Variants in GAS7 observed in about 807,000 individuals in gnomAD.
The protein encoded by GAS7 is growth arrest specific 7.
GAS7 carries 28 observed loss-of-function variants against 71.1 expected under a neutral mutation model. The observed-to-expected ratio is 0.39, with a 90% CI of 0.29 to 0.54. The LOEUF (loss-of-function observed/expected upper bound fraction) is 0.54, where lower values mean the gene tolerates loss of function less well. GAS7 is among the 20% of genes least tolerant of loss of function. The pLI is 0.62. For missense variants in GAS7, 436 were observed against 627.8 expected, an observed-to-expected ratio of 0.69 and a Z score of 3.27; for synonymous variants, 258 against 245.8, an observed-to-expected ratio of 1.05 and a Z score of -0.46.
intron 1 of GAS7, among the ~76,000 whole-genome samples, chr17:10,106,740 T>A (rs572257950): frequency 4.6e-5 from 7 of 151,280 alleles, no homozygotes; most frequent in African/African-American, 1.7e-4. Context: ...CTGCTCTTCT[T>A]CAATTATTAA....
intron 1 of GAS7, among the ~76,000 whole-genome samples, chr17:10,054,715 T>C (rs527694225): frequency 1.3e-5 from 2 of 152,302 alleles, no homozygotes; most frequent in East Asian, 3.9e-4. Flanking sequence ...GTCTGCTCCA[T>C]ACCACACATC....
At chr17:10,038,332 G>A (rs1236925432) in intron 1 of GAS7, among the ~76,000 whole-genome samples, 3 of 152,116 alleles carry the variant, frequency 2.0e-5, no homozygotes, top group Admixed American at 6.5e-5. Context: ...CCTGGGCAAC[G>A]GAGCAAGGCT....
chr17:10,093,438 C>T (rs915776184), intron 1 of GAS7, among the ~76,000 whole-genome samples: 1 of 151,474 alleles, frequency 6.6e-6, no homozygotes, highest in Non-Finnish European at 1.5e-5. Flanking sequence ...GGCATGGTGG[C>T]ACACGCCTGA....
chr17:9,936,784 T>C (rs1041475171), intron 8 of GAS7, among the ~76,000 whole-genome samples: 1 of 152,250 alleles, frequency 6.6e-6, no homozygotes, highest in Non-Finnish European at 1.5e-5. Context: ...AAATGCATGT[T>C]GTTTTCATGA....
chr17:9,938,834 G>C (rs1162460268), intron 8 of GAS7, among the ~76,000 whole-genome samples: 1 of 152,180 alleles, frequency 6.6e-6, no homozygotes, highest in African/African-American at 2.4e-5. Context: ...CCATGGGTTT[G>C]CCTGTTCTGG....
In GAS7 at chr17:9,926,777, G is replaced by A. The variant is rs1234255773; in HGVS notation, c.886-8C>T. 3.7e-6 allele frequency: 6 copies of A among 1,613,960 alleles called. No homozygotes were observed. The highest frequency in any genetic ancestry group is 5.1e-6 in the Non-Finnish European group (6 of 1,179,958). ...CTCCACCTCGCTGTGAAGCTGTTGGGAGAGTAGAGACGCACACTCAGGACC... is the reference window on the plus strand; with the variant it reads ...CTCCACCTCGCTGTGAAGCTGTTGGAAGAGTAGAGACGCACACTCAGGACC... On this transcript the variant is annotated splice_region_variant and splice_polypyrimidine_tract_variant and intron_variant, in intron 9 of 13. Coordinates refer to ENST00000432992, the MANE Select transcript of GAS7 (RefSeq NM_201433.2). This position sits in a 1 kb window ranked among gnomAD's most constrained non-coding sequence, Gnocchi z 5.0.
intron 2 of GAS7, among the ~76,000 whole-genome samples, chr17:9,985,968 T>C (rs953024858): frequency 6.6e-6 from 1 of 152,228 alleles, no homozygotes; most frequent in African/African-American, 2.4e-5. Flanking sequence ...CTGACCTAAG[T>C]CCTGCAACAC....
intron 1 of GAS7, among the ~76,000 whole-genome samples, chr17:10,130,643 T>C (rs1317047746): frequency 1.3e-5 from 2 of 152,096 alleles, no homozygotes; most frequent in Non-Finnish European, 2.9e-5. Flanking sequence ...ACGTGATCTA[T>C]CCAAACCAAT....
intron 1 of GAS7, among the ~76,000 whole-genome samples, chr17:10,109,049 G>A (rs1007765605): frequency 3.3e-5 from 5 of 152,002 alleles, no homozygotes; most frequent in Admixed American, 2.6e-4. Flanking sequence ...TTGAATGGGA[G>A]AGAATATTTG....
At chr17:10,075,779 A>C (rs1047507485) in intron 1 of GAS7, among the ~76,000 whole-genome samples, 26 of 148,902 alleles carry the variant, frequency 1.7e-4, no homozygotes, top group Non-Finnish European at 3.0e-4. Flanking sequence ...TGGGTGACAG[A>C]GTGAGACCTT....
chr17:10,128,476 C>G (rs758513498), intron 1 of GAS7, among the ~76,000 whole-genome samples: 3 of 152,154 alleles, frequency 2.0e-5, no homozygotes, highest in Admixed American at 6.5e-5. Context: ...TCATTGAATT[C>G]CAAAGCTAGC....
chr17:10,040,062 A>C (rs1457137521), intron 1 of GAS7, among the ~76,000 whole-genome samples: 2 of 152,138 alleles, frequency 1.3e-5, no homozygotes, highest in Non-Finnish European at 2.9e-5. Flanking sequence ...TCTTGTACTG[A>C]GCACTCACTT....
At chr17:10,102,696 A>T (rs1251756387) in intron 1 of GAS7, among the ~76,000 whole-genome samples, 1 of 151,758 alleles carries the variant, frequency 6.6e-6, no homozygotes, top group Non-Finnish European at 1.5e-5. Flanking sequence ...TACCCAGGAC[A>T]CACTCTATAC....
At chr17:10,187,344 GGTGGCATAAA>G (rs1169846619) in intron 1 of GAS7, among the ~76,000 whole-genome samples, 1 of 152,018 alleles carries the variant, frequency 6.6e-6, no homozygotes, top group Non-Finnish European at 1.5e-5. Context: ...AGATTGCTGT[GGTGGCATAAA>G]GTAACCCATC....
At chr17:10,176,675 A>G (rs561047610) in intron 1 of GAS7, among the ~76,000 whole-genome samples, 6 of 152,308 alleles carry the variant, frequency 3.9e-5, no homozygotes, top group Admixed American at 3.3e-4. Flanking sequence ...CAGCAGCCCT[A>G]CTGAGAAGGA....
intron 1 of GAS7, among the ~76,000 whole-genome samples, chr17:10,149,205 C>T (rs1020432482): frequency 6.6e-6 from 1 of 152,096 alleles, no homozygotes; most frequent in African/African-American, 2.4e-5. Context: ...TGGGTTTAAG[C>T]GATTCTGCTG....
chr17:10,189,600 G>A (rs952597219), intron 1 of GAS7, among the ~76,000 whole-genome samples: 3 of 151,342 alleles, frequency 2.0e-5, no homozygotes, highest in African/African-American at 7.3e-5. Flanking sequence ...TCAGGGTTAT[G>A]TACATCTGCA....
At position 9,934,241 on chromosome 17, in the gene GAS7, G is replaced by T; in HGVS notation, c.810C>A (p.Ser270=). 2.5e-6 allele frequency: 4 copies of T among 1,607,562 alleles called. No individual in the cohort carries two copies. The highest frequency in any genetic ancestry group is 3.4e-6 in the Non-Finnish European group (4 of 1,174,690). ...QNSLASQEEG[S]LGEAWAQVKK... is the part of the protein sequence containing the mutation. ...TCACCTGGGCCCACGCCTCTCCCAA[G>T]GAGCTGCAACACAAAGACCATGAGA... Residue 270 remains serine (S), a synonymous_variant, in exon 9 of 14, where the codon TCC becomes TCA. Transcript: ENST00000432992.
chr17:10,180,256 G>C (rs578118778), intron 1 of GAS7, among the ~76,000 whole-genome samples: 2 of 148,752 alleles, frequency 1.3e-5, no homozygotes, highest in Non-Finnish European at 3.0e-5. Flanking sequence ...CAGGAGAATC[G>C]CTTGAACCCG....
Sources: allele counts gnomAD v4.1 joint callset (sites outside exome capture counted in the v4.1 genomes callset), GRCh38; gene constraint gnomAD v4.1.1; non-coding constraint Gnocchi (gnomAD v3.1); transcripts MANE v1.5; gene names NCBI Gene and HGNC (gene_info 2026-07-23, HGNC 2026-07-21).